The following MACROD2 variants were observed in gnomAD, a reference collection of about 807,000 sequenced individuals.
MACROD2 encodes mono-ADP ribosylhydrolase 2.
In MACROD2, 36 loss-of-function variants were observed where a neutral mutation model predicts 70.4. The ratio of observed to expected loss-of-function variants is 0.51; its 90% CI spans 0.39 to 0.68. MACROD2 has a LOEUF of 0.68. Ranked by LOEUF, MACROD2 falls within the 30% of genes least tolerant of loss-of-function variation. MACROD2 has a pLI of 0.00. For synonymous variants in MACROD2, 172 were observed against 178.8 expected (o/e 0.96, Z 0.30); for missense variants, 496 against 538.4 (o/e 0.92, Z 0.78).
At position 14,669,257 on chromosome 20, in the gene MACROD2, T is replaced by G. The variant is rs185228794; in HGVS notation, c.302-15586T>G. 1.9e-3 allele frequency among the ~76,000 whole-genome samples: 293 copies of G among 152,272 alleles called. 6 individuals carry two copies. The highest frequency in any genetic ancestry group is 0.018 in the Admixed American group (279 of 15,278). ...AGTGTCATTGGTCCTTTTAAAAGTA[T>G]GGAAAGCAGAGTGAATGGCAAAAGG... On this transcript the variant is annotated intron_variant, in intron 4 of 17. Transcript: ENST00000684519.
At chr20:15,347,834 A>G (rs535308260) in intron 6 of MACROD2, among the ~76,000 whole-genome samples, 28 of 152,322 alleles carry the variant, frequency 1.8e-4, no homozygotes, top group African/African-American at 6.7e-4. Context: ...TGGGCACACA[A>G]TAATTAAGTG....
intron 6 of MACROD2, among the ~76,000 whole-genome samples, chr20:15,352,412 A>G (rs2078237506): frequency 6.6e-6 from 1 of 152,204 alleles, no homozygotes; most frequent in South Asian, 2.1e-4. Context: ...TAATATTTAT[A>G]TTCAAATTGC....
chr20:14,456,061 C>T (rs1337147597), intron 3 of MACROD2, among the ~76,000 whole-genome samples: 1 of 151,658 alleles, frequency 6.6e-6, no homozygotes, highest in African/African-American at 2.4e-5. Context: ...TCTTGTTCCC[C>T]TAAGGCCATA....
At chr20:14,686,283 G>A (rs1284414046) in intron 5 of MACROD2, among the ~76,000 whole-genome samples, 1 of 151,974 alleles carries the variant, frequency 6.6e-6, no homozygotes, top group African/African-American at 2.4e-5. Context: ...TTTGGAGATG[G>A]GGCCCAAGTC....
chr20:14,953,992 G>C (rs1298300141), intron 5 of MACROD2, among the ~76,000 whole-genome samples: 1 of 152,080 alleles, frequency 6.6e-6, no homozygotes, highest in African/African-American at 2.4e-5. Context: ...CAGTTTGATT[G>C]TTAACCCATT....
intron 7 of MACROD2, among the ~76,000 whole-genome samples, chr20:15,474,686 C>T (rs1197023318): frequency 6.6e-6 from 1 of 152,194 alleles, no homozygotes; most frequent in Non-Finnish European, 1.5e-5. Flanking sequence ...ACAGAGGCAA[C>T]CCCATAGGTG....
intron 4 of MACROD2, among the ~76,000 whole-genome samples, chr20:14,672,416 C>T (rs1311307869): frequency 6.6e-6 from 1 of 152,168 alleles, no homozygotes; most frequent in Non-Finnish European, 1.5e-5. Flanking sequence ...TCACTTTTGC[C>T]TCATTCTATT....
chr20:15,955,851 G>A lies in MACROD2; in HGVS notation c.908-11702G>A, dbSNP rs149777689. ...TCAGGAAGAATAGCTAATGGATACT[G>A]GGCTTAATACCAGGGTAATAGGCTG... On this transcript the variant is annotated intron_variant, in intron 12 of 17. Transcript: ENST00000684519. Among the ~76,000 whole-genome samples, 933 of 152,190 alleles carry A rather than the reference G, an allele frequency of 6.1e-3. 3 individuals are homozygous for A. The highest frequency in any genetic ancestry group is 0.021 in the African/African-American group (873 of 41,514).
intron 3 of MACROD2, among the ~76,000 whole-genome samples, chr20:14,467,521 A>G (rs1360755626): frequency 6.6e-6 from 1 of 152,022 alleles, no homozygotes; most frequent in Non-Finnish European, 1.5e-5. Context: ...TGGCTCACGC[A>G]TGGTGCGCTG....
intron 6 of MACROD2, among the ~76,000 whole-genome samples, chr20:15,421,619 G>A (rs2046229744): frequency 6.6e-6 from 1 of 152,156 alleles, no homozygotes; most frequent in Admixed American, 6.5e-5. Context: ...ACCAATGTAA[G>A]CTCCAATTTG....
chr20:15,371,252 C>T (rs2045488008), intron 6 of MACROD2, among the ~76,000 whole-genome samples: 1 of 152,114 alleles, frequency 6.6e-6, no homozygotes, highest in Non-Finnish European at 1.5e-5. Flanking sequence ...TTCATCACGG[C>T]TTGCCTTTCA....
intron 4 of MACROD2, among the ~76,000 whole-genome samples, chr20:14,536,548 G>A (rs2085365478): frequency 6.6e-6 from 1 of 151,916 alleles, no homozygotes; most frequent in African/African-American, 2.4e-5. Flanking sequence ...ATCTTTAGGA[G>A]CAAAATGATA....
chr20:14,831,455 T>C (rs2072964275), intron 5 of MACROD2, among the ~76,000 whole-genome samples: 1 of 151,888 alleles, frequency 6.6e-6, no homozygotes, highest in African/African-American at 2.4e-5. Flanking sequence ...TCCCCAATCC[T>C]CCTGCCTACC....
chr20:14,805,750 C>T (rs1174715362), intron 5 of MACROD2, among the ~76,000 whole-genome samples: 1 of 152,028 alleles, frequency 6.6e-6, no homozygotes, highest in Non-Finnish European at 1.5e-5. Flanking sequence ...TAACAAGACT[C>T]ATCTTCCGAA....
intron 6 of MACROD2, among the ~76,000 whole-genome samples, chr20:15,365,191 A>T (rs2045391176): frequency 6.6e-6 from 1 of 152,146 alleles, no homozygotes; most frequent in Admixed American, 6.6e-5. Flanking sequence ...TCAGAAATTT[A>T]AGGCAGATGT....
At chr20:15,396,584 G>A (rs112475619) in intron 6 of MACROD2, among the ~76,000 whole-genome samples, 75 of 152,302 alleles carry the variant, frequency 4.9e-4, no homozygotes, top group South Asian at 8.3e-4. Flanking sequence ...CTCAGAGAGC[G>A]TTTTGGATTT....
intron 5 of MACROD2, among the ~76,000 whole-genome samples, chr20:14,862,715 A>G (rs13043001): frequency 1.6e-5 from 1 of 63,346 alleles, no homozygotes; most frequent in South Asian, 4.6e-4. Context: ...ATATATATAT[A>G]TTTTTTTTTA....
intron 3 of MACROD2, among the ~76,000 whole-genome samples, chr20:14,130,354 C>T (rs867268570): frequency 6.6e-6 from 1 of 152,156 alleles, no homozygotes; most frequent in Non-Finnish European, 1.5e-5. Flanking sequence ...TCAAGACAAG[C>T]CTGGCCAAGA....
At chr20:14,736,061 G>A (rs2071661175) in intron 5 of MACROD2, among the ~76,000 whole-genome samples, 1 of 151,988 alleles carries the variant, frequency 6.6e-6, no homozygotes, top group Non-Finnish European at 1.5e-5. Flanking sequence ...TAGCCAAAAG[G>A]TAGAAACAAG....
Sources: allele counts gnomAD v4.1 joint callset (sites outside exome capture counted in the v4.1 genomes callset), GRCh38; gene constraint gnomAD v4.1.1; transcripts MANE v1.5; gene names NCBI Gene and HGNC (gene_info 2026-07-23, HGNC 2026-07-21).